EMSY: variants seen among roughly 807,000 people sequenced by gnomAD.
The protein encoded by EMSY is EMSY transcriptional repressor, BRCA2 interacting.
In EMSY, 26 loss-of-function variants were observed where a neutral mutation model predicts 134.6. The ratio of observed to expected loss-of-function variants is 0.19; its 90% CI spans 0.14 to 0.27. The LOEUF (loss-of-function observed/expected upper bound fraction) is 0.27, where lower values mean the gene tolerates loss of function less well. EMSY is among the 10% of genes least tolerant of loss of function. EMSY has a pLI of 1.00. For missense variants in EMSY, 1,305 were observed against 1,611.4 expected (o/e 0.81, Z 3.26); for synonymous variants, 579 against 577.8 (o/e 1.00, Z -0.03).
chr11:76,472,319 C>T (rs1948604594), intron 7 of EMSY, among the ~76,000 whole-genome samples: 1 of 152,056 alleles, frequency 6.6e-6, no homozygotes, highest in South Asian at 2.1e-4. Context: ...TGTCTACTTT[C>T]CTGTATCTTA....
intron 15 of EMSY, among the ~76,000 whole-genome samples, chr11:76,537,517 C>G (rs1951267601): frequency 6.6e-6 from 1 of 152,062 alleles, no homozygotes; most frequent in Non-Finnish European, 1.5e-5. Flanking sequence ...GGAGAGTGTA[C>G]AAGATAAAAA....
At chr11:76,510,962 G>GT (rs1457606353) in intron 9 of EMSY, among the ~76,000 whole-genome samples, 1 of 152,088 alleles carries the variant, frequency 6.6e-6, no homozygotes, top group Non-Finnish European at 1.5e-5. Context: ...TTGAGTAGAT[G>GT]TTTTTTCATT....
chr11:76,538,291 C>T (rs1007357888), intron 16 of EMSY, among the ~76,000 whole-genome samples: 1 of 152,148 alleles, frequency 6.6e-6, no homozygotes, highest in East Asian at 1.9e-4. Context: ...CAGGGTCTCA[C>T]GCCCATCGCT....
chr11:76,521,352 A>T (rs975352064), intron 11 of EMSY, among the ~76,000 whole-genome samples: 4 of 152,196 alleles, frequency 2.6e-5, no homozygotes, highest in Admixed American at 6.5e-5. Flanking sequence ...TGGCATGATA[A>T]GTTTAGTTTT....
rs1461150745 is a variant in EMSY at position 76,495,512 on chromosome 11, G to C, written c.1109-703G>C. ...TGAAACTCATACATCTTTAGTGAAA[G>C]TTACTAGTACTCCTTACCTATGTGT... On this transcript the variant is annotated intron_variant, in intron 8 of 20. Transcript: ENST00000334736. 3.9e-5 allele frequency among the ~76,000 whole-genome samples: 6 copies of C among 152,276 alleles called. No homozygotes were observed. In the South Asian group the frequency reaches 1.2e-3, roughly 32 times the overall value.
At chr11:76,536,129 A>G (rs775932712) in intron 15 of EMSY, 70 bp downstream of exon 16, 185 of 1,014,912 alleles carry the variant, frequency 1.8e-4, no homozygotes, top group Non-Finnish European at 2.4e-4. Flanking sequence ...AAATACTACC[A>G]CTGTTATTAT....
chr11:76,524,693 C>G (rs1950781076), intron 12 of EMSY, among the ~76,000 whole-genome samples: 1 of 152,172 alleles, frequency 6.6e-6, no homozygotes, highest in Non-Finnish European at 1.5e-5. Context: ...CCGTTTGACA[C>G]AGGCAGCTCT....
chr11:76,519,487 T>G (rs576088206), intron 11 of EMSY, among the ~76,000 whole-genome samples: 41 of 152,298 alleles, frequency 2.7e-4, no homozygotes, highest in Admixed American at 1.8e-3. Flanking sequence ...TTCTTCAGAG[T>G]TGAACTCACT....
At chr11:76,538,996 C>T (rs972575888) in intron 16 of EMSY, among the ~76,000 whole-genome samples, 3 of 152,082 alleles carry the variant, frequency 2.0e-5, no homozygotes, top group Non-Finnish European at 2.9e-5. Context: ...CCCTTAAATC[C>T]ATTTAAATAC....
intron 16 of EMSY, among the ~76,000 whole-genome samples, chr11:76,539,123 T>A (rs1220431684): frequency 6.6e-6 from 1 of 152,000 alleles, no homozygotes; most frequent in Non-Finnish European, 1.5e-5. Context: ...ATTGTTTCTC[T>A]CCTATTCTGA....
intron 7 of EMSY, 103 bp downstream of exon 8, chr11:76,464,183 T>TAA: frequency 7.5e-7 from 1 of 1,331,768 alleles, no homozygotes; most frequent in South Asian, 1.4e-5. Flanking sequence ...CTTGGCATTA[T>TAA]GCTGGGGATG....
At chr11:76,507,122 A>G (rs1261509030) in intron 9 of EMSY, among the ~76,000 whole-genome samples, 1 of 152,238 alleles carries the variant, frequency 6.6e-6, no homozygotes, top group Non-Finnish European at 1.5e-5. Flanking sequence ...GTGTAATTGT[A>G]TTATGTCTAA....
intron 11 of EMSY, 48 bp from the exon 13 acceptor site, chr11:76,523,107 T>TC: frequency 6.5e-7 from 1 of 1,546,846 alleles, no homozygotes; most frequent in Non-Finnish European, 8.7e-7. Flanking sequence ...AATAACCAAG[T>TC]ATCTCTAGTC....
At chr11:76,451,925 A>G in exon 3 of EMSY, 1 of 1,596,400 alleles carries the variant, frequency 6.3e-7, no homozygotes, top group Non-Finnish European at 8.5e-7. Flanking sequence ...AGGAAAAGAA[A>G]GATCTTCTTG....
chr11:76,531,712 C>T (rs1951047218), intron 14 of EMSY, among the ~76,000 whole-genome samples: 1 of 152,124 alleles, frequency 6.6e-6, no homozygotes. Flanking sequence ...CCTCATCAAA[C>T]ACTTATCCAG....
chr11:76,504,194 C>T (rs1340423103), intron 9 of EMSY, among the ~76,000 whole-genome samples: 1 of 151,632 alleles, frequency 6.6e-6, no homozygotes, highest in African/African-American at 2.4e-5. Context: ...ATTTTACATT[C>T]CCACCAGCAA....
chr11:76,552,003 C>G (rs1591047424), downstream of EMSY: 2 of 152,118 alleles, frequency 1.3e-5, no homozygotes, highest in South Asian at 4.1e-4. Flanking sequence ...ATACCTGTGT[C>G]CCTTGAGAAT....
chr11:76,513,991 C>T (rs749574520), intron 10 of EMSY, among the ~76,000 whole-genome samples: 1 of 152,034 alleles, frequency 6.6e-6, no homozygotes, highest in African/African-American at 2.4e-5. Flanking sequence ...GTTTAGTAAG[C>T]GTTACTGAGA....
At chr11:76,445,372 T>G (rs1947334249) in intron 1 of EMSY, among the ~76,000 whole-genome samples, 1 of 152,044 alleles carries the variant, frequency 6.6e-6, no homozygotes, top group African/African-American at 2.4e-5. Flanking sequence ...GGGTATCCGC[T>G]GGCTTACTCT....
Sources: gnomAD v4.1 joint callset for allele counts (sites outside exome capture counted in the v4.1 genomes callset) on GRCh38, gnomAD v4.1.1 for gene constraint, MANE v1.5 for transcripts, NCBI Gene and HGNC (gene_info 2026-07-23, HGNC 2026-07-21) for gene names.